Variants in SPOCK1 observed in about 807,000 individuals in gnomAD.
SPOCK1 encodes SPARC (osteonectin), cwcv and kazal like domains proteoglycan 1.
In SPOCK1, 23 loss-of-function variants were observed where a neutral mutation model predicts 55.3. That is an observed-to-expected ratio of 0.42 (90% CI 0.30 to 0.59). SPOCK1 has a LOEUF of 0.59. SPOCK1 is among the 20% of genes least tolerant of loss of function. The pLI is 0.22. For missense variants in SPOCK1, 499 were observed against 552.5 expected (o/e 0.90, Z 0.97); for synonymous variants, 226 against 221.0 (o/e 1.02, Z -0.20).
In SPOCK1 at chr5:137,112,556, T is replaced by C; in HGVS notation, c.353A>G (p.Lys118Arg). 6.2e-7 allele frequency: 1 copy of C among 1,613,252 alleles called. No individual in the cohort carries two copies. The highest frequency in any genetic ancestry group is 1.1e-5 in the South Asian group (1 of 90,960). ...VSRKHLLPRQ[K>R]KGNVAQKHWV... is the part of the protein sequence containing the mutation. ...GTGTTTCTGGGCCACGTTCCCCTTC[T>C]TTTGCCTAAAGATGAGAAAAAAGGG... The change falls in exon 5 of 11, where the codon AAG becomes AGG. Residue 118 changes from lysine to arginine, a missense_variant. Physicochemically the swap from Lys to Arg is conservative, Grantham distance 26. Around this residue, in one of 3 missense-constraint regions of SPOCK1, gnomAD observed 386 missense variants for 400.6 expected, o/e 0.96. Transcript: ENST00000394945.
chr5:137,478,585 A>C (rs928276623), intron 2 of SPOCK1, among the ~76,000 whole-genome samples: 1 of 152,214 alleles, frequency 6.6e-6, no homozygotes, highest in Non-Finnish European at 1.5e-5. Context: ...GTACATTTGA[A>C]CAGAAAAAGA....
rs549248860 is a variant in SPOCK1 at position 137,243,099 on chromosome 5, T to A, written c.232+23911A>T. On this transcript the variant is annotated intron_variant, in intron 3 of 10. Transcript: ENST00000394945. Reference sequence around the variant, plus strand: ...ATAAAAAACCAAAAGGAATGTGATCTTTTCTGGGATTATTTTTTAGAAAAT... The same window carrying A: ...ATAAAAAACCAAAAGGAATGTGATCATTTCTGGGATTATTTTTTAGAAAAT... Among the ~76,000 whole-genome samples the A allele has an allele frequency of 2.0e-5, 3 of 152,328 alleles. No homozygotes were observed. The South Asian group carries it at 6.2e-4, about 32-fold the overall frequency.
At chr5:137,429,050 G>A (rs1752691940) in intron 2 of SPOCK1, among the ~76,000 whole-genome samples, 1 of 152,178 alleles carries the variant, frequency 6.6e-6, no homozygotes, top group Non-Finnish European at 1.5e-5. Flanking sequence ...TTATTCTTTG[G>A]ATAAATACCA....
At chr5:137,215,088 G>A (rs1197660727) in intron 3 of SPOCK1, among the ~76,000 whole-genome samples, 1 of 152,168 alleles carries the variant, frequency 6.6e-6, no homozygotes, top group African/African-American at 2.4e-5. Context: ...GTGGGTAGGT[G>A]GCAGGGTCTG....
At chr5:137,278,242 G>C (rs931610915) in intron 2 of SPOCK1, among the ~76,000 whole-genome samples, 22 of 152,150 alleles carry the variant, frequency 1.4e-4, no homozygotes, top group African/African-American at 5.1e-4. Context: ...TCCAGCCTTT[G>C]GATCCACTTA....
At chr5:137,258,456 C>G (rs182919688) in intron 3 of SPOCK1, among the ~76,000 whole-genome samples, 1 of 152,358 alleles carries the variant, frequency 6.6e-6, no homozygotes, top group Non-Finnish European at 1.5e-5. Context: ...AGGTTTTTCT[C>G]CAAGCAGCCA....
intron 2 of SPOCK1, among the ~76,000 whole-genome samples, chr5:137,413,209 T>G (rs949400215): frequency 6.6e-6 from 1 of 152,222 alleles, no homozygotes; most frequent in Non-Finnish European, 1.5e-5. Context: ...ACTTTGCTTC[T>G]CATTGACTCT....
intron 2 of SPOCK1, among the ~76,000 whole-genome samples, chr5:137,426,695 T>G (rs1035278544): frequency 2.0e-5 from 3 of 152,162 alleles, no homozygotes; most frequent in African/African-American, 7.2e-5. Flanking sequence ...AAACATGATG[T>G]AAGAACTCCT....
intron 3 of SPOCK1, among the ~76,000 whole-genome samples, chr5:137,230,365 G>A (rs887448394): frequency 9.2e-5 from 14 of 152,180 alleles, no homozygotes; most frequent in Non-Finnish European, 7.4e-5. Flanking sequence ...CAAAATGAAT[G>A]TTAGAAGGAA....
chr5:137,363,541 A>C (rs1017066886), intron 2 of SPOCK1, among the ~76,000 whole-genome samples: 4 of 152,168 alleles, frequency 2.6e-5, no homozygotes, highest in Non-Finnish European at 5.9e-5. Flanking sequence ...ACCTTGGGTA[A>C]ATGACCAACC....
intron 6 of SPOCK1, among the ~76,000 whole-genome samples, chr5:137,039,240 C>A (rs930365719): frequency 7.7e-6 from 1 of 130,254 alleles, no homozygotes; most frequent in Admixed American, 8.1e-5. Flanking sequence ...TCTAGAAAGA[C>A]TTTATCACTC....
intron 2 of SPOCK1, among the ~76,000 whole-genome samples, chr5:137,301,440 T>A (rs1757587427): frequency 6.6e-6 from 1 of 152,132 alleles, no homozygotes. Flanking sequence ...CCAACACCAG[T>A]TGTGAACTCC....
chr5:137,498,656 C>A (rs1754362579), intron 1 of SPOCK1, 98 bp from the exon 2 acceptor site: 2 of 1,067,456 alleles, frequency 1.9e-6, no homozygotes, highest in Non-Finnish European at 2.3e-6. Context: ...GAGGCGGGGA[C>A]CCCGCGGCGG....
At chr5:137,199,949 C>T (rs529235693) in intron 3 of SPOCK1, among the ~76,000 whole-genome samples, 1 of 152,276 alleles carries the variant, frequency 6.6e-6, no homozygotes, top group Admixed American at 6.5e-5. Flanking sequence ...GCAGCAAACT[C>T]ACCAAAACAT....
At chr5:137,227,841 CCCT>C (rs1486822028) in intron 3 of SPOCK1, among the ~76,000 whole-genome samples, 1 of 152,152 alleles carries the variant, frequency 6.6e-6, no homozygotes, top group African/African-American at 2.4e-5. Context: ...TTAGACCCTT[CCCT>C]CCTCTGAATC....
chr5:137,036,693 A>C lies in SPOCK1; in HGVS notation c.589+31022T>G, dbSNP rs191823326. ...GAGGCAGTCATTTTACAGGACGGTA[A>C]GGCCGGAATGTGATGGGAGGGAGGC... is the stretch of plus-strand genomic sequence containing the variant. On this transcript the variant is annotated intron_variant, in intron 6 of 10. Coordinates refer to ENST00000394945, the MANE Select transcript of SPOCK1 (RefSeq NM_004598.4). Among the ~76,000 whole-genome samples, 362 of 152,336 alleles carry C rather than the reference A, an allele frequency of 2.4e-3. 1 individual carries two copies. The highest frequency in any genetic ancestry group is 8.2e-3 in the African/African-American group (339 of 41,582).
intron 2 of SPOCK1, among the ~76,000 whole-genome samples, chr5:137,404,853 A>G (rs1226056750): frequency 6.6e-6 from 1 of 152,172 alleles, no homozygotes; most frequent in Non-Finnish European, 1.5e-5. Context: ...CTACTGATAT[A>G]TAAAGAAATA....
At chr5:137,045,420 T>C (rs368821166) in intron 6 of SPOCK1, among the ~76,000 whole-genome samples, 4 of 36,706 alleles carry the variant, frequency 1.1e-4, no homozygotes, top group East Asian at 1.6e-3. Flanking sequence ...TTTCATGTGT[T>C]TTTTGGCTGC....
intron 3 of SPOCK1, among the ~76,000 whole-genome samples, chr5:137,156,948 G>C (rs566787039): frequency 6.6e-6 from 1 of 152,286 alleles, no homozygotes; most frequent in Admixed American, 6.5e-5. Context: ...TTAGCAGTAA[G>C]AAATTAAGGA....
Sources: gnomAD v4.1 joint callset for allele counts (sites outside exome capture counted in the v4.1 genomes callset) on GRCh38, gnomAD v4.1.1 for gene constraint, gnomAD v4.1.1 regional missense constraint, MANE v1.5 for transcripts, NCBI Gene and HGNC (gene_info 2026-07-23, HGNC 2026-07-21) for gene names.